HEATR4: variants seen among roughly 807,000 people sequenced by gnomAD.
The protein encoded by HEATR4 is HEAT repeat-containing protein 4.
HEATR4 carries 95 observed loss-of-function variants against 108.8 expected under a neutral mutation model. That is an observed-to-expected ratio of 0.87 (90% confidence interval 0.74 to 1.04). The LOEUF (loss-of-function observed/expected upper bound fraction) is 1.04, where lower values mean the gene tolerates loss of function less well. Among genes scored for constraint, HEATR4 ranks in the 50% least tolerant of loss-of-function variants. The pLI is 0.00. For missense variants in HEATR4, 1,152 were observed against 1,253.8 expected (o/e 0.92, Z 1.23); for synonymous variants, 443 against 459.4 (o/e 0.96, Z 0.46).
At position 73,537,451 on chromosome 14, in the gene HEATR4, G is replaced by A. The variant is rs1458002104; in HGVS notation, c.-151-7207C>T. 16 of 1,232,442 alleles carry A rather than the reference G, an allele frequency of 1.3e-5. 5 individuals carry two copies. The highest frequency in any genetic ancestry group is 1.7e-5 in the Non-Finnish European group (16 of 930,504). 76.3% of individuals were successfully genotyped at this position (1,232,442 alleles called of 1,614,324 possible). On this transcript the variant is annotated intron_variant, in intron 1 of 17. Transcript: ENST00000553558. ...CGGCGACGCTGATCCTGGAGCCCGC[G>A]GGCCGCTGCTGCTGGGACGAACCGG...
the HEATR4 span, chr14:73,619,912 C>A: frequency 6.6e-5 from 87 of 1,315,110 alleles, no homozygotes; most frequent in Non-Finnish European, 8.0e-5. Flanking sequence ...TTCTTTCTTT[C>A]TTTTCTCTTT....
At position 73,555,062 on chromosome 14, in the gene HEATR4, T is replaced by C. The variant is rs1889375549; in HGVS notation, c.-152+3689A>G. Among the ~76,000 whole-genome samples, 2 of 112,888 alleles carry C rather than the reference T, an allele frequency of 1.8e-5. 1 individual carries two copies. The highest frequency in any genetic ancestry group is 2.0e-4 in the Admixed American group (2 of 9,830). 74.1% of individuals were successfully genotyped at this position (112,888 alleles called of 152,430 possible). ...ATGATTAAACTAAAAAAAAAGAATG[T>C]AGAGGGAGAGATCAATGTAAAAATT... On this transcript the variant is annotated intron_variant, in intron 1 of 17. Coordinates refer to ENST00000553558, the MANE Select transcript of HEATR4 (RefSeq NM_001220484.1).
the HEATR4 span, chr14:73,569,078 G>A: frequency 2.3e-6 from 2 of 873,376 alleles, no homozygotes; most frequent in Non-Finnish European, 3.5e-6. Context: ...CTAGGAAGTA[G>A]CTTTCCAACA....
chr14:73,496,499 A>G (rs746245591), intron 15 of HEATR4, 102 bp downstream of exon 15: 78 of 711,666 alleles, frequency 1.1e-4, no homozygotes, highest in Non-Finnish European at 1.9e-4. Flanking sequence ...AAGTACTTCT[A>G]TGGTGGGAAA....
chr14:73,616,657 T>G, the HEATR4 span: 1 of 160,708 alleles, frequency 6.2e-6, no homozygotes, highest in East Asian at 1.8e-4. Flanking sequence ...ATTGCACCAC[T>G]GCACTTCAGC....
rs1244416242 is a variant in HEATR4 at position 73,545,975 on chromosome 14, A to C, written c.-152+12776T>G. On this transcript the variant is annotated intron_variant, in intron 1 of 17. Transcript: ENST00000553558. The stretch of plus-strand genomic sequence containing the variant: ...GCCAGCCTGGGTAACATAGTGGGAC[A>C]CCATCTTATAAAAACAATTTTTTTT... Among the ~76,000 whole-genome samples, 3 of 113,634 alleles carry C rather than the reference A, an allele frequency of 2.6e-5. 1 individual carries two copies. Among genetic ancestry groups the C allele is most frequent in the Non-Finnish European group, 3.8e-5 (2 of 52,240 alleles). 74.5% of individuals were successfully genotyped at this position (113,634 alleles called of 152,430 possible).
intron 5 of HEATR4, among the ~76,000 whole-genome samples, chr14:73,514,915 A>G (rs1450891657): frequency 2.0e-5 from 3 of 152,088 alleles, no homozygotes; most frequent in Non-Finnish European, 2.9e-5. Context: ...TAAAATACAA[A>G]AAATTGGCCG....
rs749344337 is a variant in HEATR4, at chr14:73,514,070, G to T, written c.1375C>A (p.Arg459=). ...EDVTWELVVL[R]RMLKEWKTAW... ...GTCTTCCATTCCTTCAGCATCCTCC[G>T]CAGGACCACCAGTTCCCAGGTCACA... Residue 459 remains arginine (R), a synonymous_variant, in exon 6 of 18, where the codon CGG becomes AGG. Coordinates refer to ENST00000553558, the MANE Select transcript of HEATR4 (RefSeq NM_001220484.1). 3 of 1,614,082 alleles carry T rather than the reference G, an allele frequency of 1.9e-6. No individual in the cohort carries two copies. The highest frequency in any genetic ancestry group is 2.2e-5 in the East Asian group (1 of 44,892).
At chr14:73,510,594 C>G (rs1008691545) in intron 7 of HEATR4, among the ~76,000 whole-genome samples, 1 of 152,152 alleles carries the variant, frequency 6.6e-6, no homozygotes, top group Admixed American at 6.5e-5. Flanking sequence ...TGTCACCACG[C>G]CTGGCTAATT....
chr14:73,608,378 G>A, the HEATR4 span, among the ~76,000 whole-genome samples: 1 of 152,116 alleles, frequency 6.6e-6, no homozygotes, highest in African/African-American at 2.4e-5. Context: ...CTGGGGCAGG[G>A]GCAAAATGCC....
rs561786302 is a variant in HEATR4, at chr14:73,499,207, G to C, written c.2287-67C>G. ...AAGAATGAACCAGAAACAGCTGGGT[G>C]CGGTGGTGCACCCCTGTAATCCCAG... is the stretch of plus-strand genomic sequence containing the variant. On this transcript the variant is annotated intron_variant, in intron 12 of 17. Coordinates refer to ENST00000553558, the MANE Select transcript of HEATR4 (RefSeq NM_001220484.1). The C allele has an allele frequency of 2.2e-6, 3 of 1,362,994 alleles. No individual in the cohort carries two copies. The African/African-American group carries it at 4.3e-5, about 19-fold the overall frequency. The allele number at this position is 1,362,994 out of a possible 1,614,324, so 84.4% of individuals were successfully genotyped here.
At chr14:73,596,314 C>T in the HEATR4 span, 3 of 152,168 alleles carry the variant, frequency 2.0e-5, no homozygotes, top group African/African-American at 7.2e-5. Context: ...TCATGACCAG[C>T]TTAGGCAACA....
intron 17 of HEATR4, chr14:73,491,124 C>T (rs1885693236): frequency 6.2e-7 from 1 of 1,607,664 alleles, no homozygotes; most frequent in Non-Finnish European, 8.5e-7. Flanking sequence ...CCCTTGAGGT[C>T]CAGGAAGATA....
At chr14:73,570,076 A>G in the HEATR4 span, among the ~76,000 whole-genome samples, 1 of 148,866 alleles carries the variant, frequency 6.7e-6, no homozygotes, top group Non-Finnish European at 1.5e-5. Flanking sequence ...TTACAGGGTG[A>G]GCCACCGCGC....
rs759765321 is a variant in HEATR4, at chr14:73,512,019, G to C, written c.1545C>G (p.Ser515Arg). The change falls in exon 7 of 18, where the codon AGC becomes AGG. Residue 515 changes from serine to arginine, a missense_variant. By Grantham distance (110) the Ser-to-Arg change is moderately radical. Coordinates refer to ENST00000553558, the MANE Select transcript of HEATR4 (RefSeq NM_001220484.1). ...TTTGGCTCTCACCTGAGTCTCTCTG[G>C]CTGGTGGCAATCCGGGGCCGTTCCA... Reference protein sequence around the residue: ...AALERPRIATSQRDSDKTIQD... With the variant: ...AALERPRIATRQRDSDKTIQD... The C allele has an allele frequency of 6.2e-6, 10 of 1,613,954 alleles. No homozygotes were observed. The South Asian group carries it at 1.1e-4, about 18-fold the overall frequency.
rs1889263025 is a variant in HEATR4 at position 73,548,069 on chromosome 14, T to A, written c.-152+10682A>T. ...TCAGCCTCCTGAGTAGCTGAGACTA[T>A]AGGCACTTGCCACCATGCCCAGCTA... On this transcript the variant is annotated intron_variant, in intron 1 of 17. Coordinates refer to ENST00000553558, the MANE Select transcript of HEATR4 (RefSeq NM_001220484.1). 1.7e-5 allele frequency among the ~76,000 whole-genome samples: 2 copies of A among 114,310 alleles called. 1 individual carries two copies. Among genetic ancestry groups the A allele is most frequent in the Non-Finnish European group, 3.8e-5 (2 of 52,488 alleles). 75.0% of individuals were successfully genotyped at this position (114,310 alleles called of 152,430 possible).
chr14:73,498,076 G>T, intron 14 of HEATR4, 79 bp downstream of exon 14: 1 of 1,353,050 alleles, frequency 7.4e-7, no homozygotes, highest in Non-Finnish European at 1.0e-6. Flanking sequence ...GCCTGGAAAG[G>T]CAGGGACATA....
At chr14:73,493,176 C>G (rs1566821784) in intron 16 of HEATR4, 52 bp from the exon 17 acceptor site, 1 of 1,481,178 alleles carries the variant, frequency 6.8e-7, no homozygotes, top group South Asian at 1.1e-5. Context: ...AACCCTTGAT[C>G]CGTGATCATT....
At chr14:73,597,116 C>T in the HEATR4 span, among the ~76,000 whole-genome samples, 1 of 150,172 alleles carries the variant, frequency 6.7e-6, no homozygotes. Context: ...TAGAGTCTGG[C>T]TCTGTCACCC....
Sources: allele counts gnomAD v4.1 joint callset (sites outside exome capture counted in the v4.1 genomes callset), GRCh38; gene constraint gnomAD v4.1.1; transcripts MANE v1.5; gene names NCBI Gene and HGNC (gene_info 2026-07-23, HGNC 2026-07-21).